Variants in DYNC2I1 observed in about 807,000 individuals in gnomAD.
The protein encoded by DYNC2I1 is cytoplasmic dynein 2 intermediate chain 1.
Under a neutral mutation model 133.4 loss-of-function variants are expected in DYNC2I1, and 89 were observed. The ratio of observed to expected loss-of-function variants is 0.67; its 90% CI spans 0.56 to 0.80. The LOEUF (loss-of-function observed/expected upper bound fraction) is 0.80, where lower values mean the gene tolerates loss of function less well. DYNC2I1 is among the 30% of genes least tolerant of loss of function. The pLI is 0.00. For missense variants in DYNC2I1, 1,291 were observed against 1,314.5 expected (o/e 0.98, Z 0.28); for synonymous variants, 504 against 484.3 (o/e 1.04, Z -0.54).
Position 158,930,527 on chromosome 7 carries a change from G to A in DYNC2I1, c.2546+12G>A. ...CAGTTGGGTGACAGGTAAGATGTGA[G>A]GGAAAATGCTTCACTATCTCACAAA... On this transcript the variant is annotated intron_variant, in intron 21 of 24. Transcript: ENST00000407559. 1 of 1,609,626 alleles carries A rather than the reference G, an allele frequency of 6.2e-7. No individual in the cohort carries two copies. Among genetic ancestry groups the A allele is most frequent in the South Asian group, 1.1e-5 (1 of 89,902 alleles).
At chr7:158,858,539 A>T (rs959353714) in intron 1 of DYNC2I1, among the ~76,000 whole-genome samples, 2 of 152,208 alleles carry the variant, frequency 1.3e-5, no homozygotes, top group African/African-American at 4.8e-5. Context: ...TTGGCAAAAA[A>T]GAACATAAGC....
intron 1 of DYNC2I1, among the ~76,000 whole-genome samples, chr7:158,867,503 C>T (rs539894319): frequency 7.2e-5 from 11 of 152,160 alleles, no homozygotes; most frequent in Non-Finnish European, 1.2e-4. Context: ...ATCACTATCG[C>T]GAGGGTTGCC....
Position 158,920,896 on chromosome 7 carries a change from G to A in DYNC2I1, c.1922-1481G>A, listed in dbSNP as rs560503167. ...TACCCTCATCACTATTAAAACACGCGGCAGAATGACACAGCCAGCGGGTCG... is the reference window on the plus strand; with the variant it reads ...TACCCTCATCACTATTAAAACACGCAGCAGAATGACACAGCCAGCGGGTCG... On this transcript the variant is annotated intron_variant, in intron 15 of 24. Transcript: ENST00000407559. Among the ~76,000 whole-genome samples, 4 of 152,162 alleles carry A rather than the reference G, an allele frequency of 2.6e-5. No individual in the cohort carries two copies. The South Asian group carries it at 6.2e-4, about 24-fold the overall frequency.
At chr7:158,867,754 C>T (rs757963047) in intron 1 of DYNC2I1, among the ~76,000 whole-genome samples, 41 of 152,066 alleles carry the variant, frequency 2.7e-4, no homozygotes, top group Non-Finnish European at 2.9e-4. Context: ...TGGGCCTCCC[C>T]GGGAGTGCTT....
chr7:158,886,377 G>T (rs2129480570), intron 6 of DYNC2I1, among the ~76,000 whole-genome samples: 1 of 152,024 alleles, frequency 6.6e-6, no homozygotes, highest in South Asian at 2.1e-4. Flanking sequence ...CAGGCAGTCT[G>T]CCCACCTTGG....
intron 1 of DYNC2I1, among the ~76,000 whole-genome samples, chr7:158,867,523 T>C (rs917244299): frequency 6.6e-6 from 1 of 151,500 alleles, no homozygotes; most frequent in African/African-American, 2.4e-5. Flanking sequence ...CAGGAGGCAG[T>C]GGTGCAGTGT....
chr7:158,897,980 G>T (rs1320988720), intron 8 of DYNC2I1, among the ~76,000 whole-genome samples: 1 of 152,046 alleles, frequency 6.6e-6, no homozygotes, highest in African/African-American at 2.4e-5. Flanking sequence ...CATTTCTCTT[G>T]AGATTTGTTT....
At chr7:158,942,948 T>C (rs945043298) in intron 24 of DYNC2I1, among the ~76,000 whole-genome samples, 11 of 152,246 alleles carry the variant, frequency 7.2e-5, no homozygotes. Flanking sequence ...ACGAAAGCTT[T>C]CGTCATGAGG....
At chr7:158,951,226 G>A (rs1852044312) in intron 4 of DYNC2I1, among the ~76,000 whole-genome samples, 1 of 152,220 alleles carries the variant, frequency 6.6e-6, no homozygotes. Context: ...TGCTGGACCT[G>A]TTTTATGGAC....
At chr7:158,860,096 C>T (rs904639303) in intron 1 of DYNC2I1, among the ~76,000 whole-genome samples, 2 of 151,840 alleles carry the variant, frequency 1.3e-5, no homozygotes, top group Admixed American at 1.3e-4. Flanking sequence ...ACTCTTGTCC[C>T]CTAGGCTGGA....
chr7:158,863,055 A>G (rs1189768725), intron 1 of DYNC2I1, among the ~76,000 whole-genome samples: 13 of 144,272 alleles, frequency 9.0e-5, no homozygotes, highest in African/African-American at 3.3e-4. Flanking sequence ...TTTATTGTGA[A>G]GAACAAAGCA....
chr7:158,920,010 G>C (rs1241031476), intron 15 of DYNC2I1, among the ~76,000 whole-genome samples: 1 of 149,476 alleles, frequency 6.7e-6, no homozygotes, highest in African/African-American at 2.5e-5. Flanking sequence ...CGGAGAACAC[G>C]TGAAGTGTGT....
the DYNC2I1 span, among the ~76,000 whole-genome samples, chr7:158,849,995 GA>G: frequency 3.9e-5 from 6 of 152,162 alleles, no homozygotes; most frequent in Non-Finnish European, 8.8e-5. Context: ...TTTTGCCCAG[GA>G]ATCAATCTGC....
At chr7:158,899,368 A>G (rs1846028110) in intron 8 of DYNC2I1, among the ~76,000 whole-genome samples, 2 of 152,360 alleles carry the variant, frequency 1.3e-5, no homozygotes, top group African/African-American at 2.4e-5. Context: ...ATACCTAAGC[A>G]TACGTAATTG....
At chr7:158,882,875 C>CA (rs71200076) in intron 5 of DYNC2I1, among the ~76,000 whole-genome samples, 10,751 of 108,350 alleles carry the variant, frequency 0.099, 481 homozygotes, top group Middle Eastern at 0.22. Context: ...GCCTTTGTCT[C>CA]AAAAAAAAAA....
intron 10 of DYNC2I1, chr7:158,903,534 C>T (rs1477836512): frequency 6.6e-6 from 1 of 152,206 alleles, no homozygotes; most frequent in Non-Finnish European, 1.5e-5. Context: ...CATTTTGTGC[C>T]TGCTACAGAG....
chr7:158,856,556 C>T (rs938648273), upstream of DYNC2I1: 12 of 560,054 alleles, frequency 2.1e-5, no homozygotes, highest in Non-Finnish European at 8.0e-6. Flanking sequence ...CGCAGGCGCA[C>T]TGGGAGAGGC....
At chr7:158,850,963 C>T in the DYNC2I1 span, among the ~76,000 whole-genome samples, 1 of 151,166 alleles carries the variant, frequency 6.6e-6, no homozygotes, top group African/African-American at 2.4e-5. Context: ...GCTGCTTGGT[C>T]GTGAATGACA....
intron 1 of DYNC2I1, among the ~76,000 whole-genome samples, chr7:158,859,622 G>T (rs1379735657): frequency 6.6e-6 from 1 of 152,024 alleles, no homozygotes; most frequent in Non-Finnish European, 1.5e-5. Flanking sequence ...CCTGTCTCAG[G>T]CTCCTGAGTA....
Sources: allele counts gnomAD v4.1 joint callset (sites outside exome capture counted in the v4.1 genomes callset), GRCh38; gene constraint gnomAD v4.1.1; transcripts MANE v1.5; gene names NCBI Gene and HGNC (gene_info 2026-07-23, HGNC 2026-07-21).